Variants in EPHA6 observed in about 807,000 individuals in gnomAD.
EPHA6 encodes ephrin type-A receptor 6.
A neutral mutation model predicts 112.0 loss-of-function variants in EPHA6; 50 were observed. The observed-to-expected ratio is 0.45, with a 90% confidence interval of 0.36 to 0.56. EPHA6 has a LOEUF of 0.56. Among genes scored for constraint, EPHA6 ranks in the 20% least tolerant of loss-of-function variants. The pLI, the probability that EPHA6 is intolerant of heterozygous loss-of-function variation, is 0.00. For synonymous variants in EPHA6, 529 were observed against 490.7 expected (o/e 1.08, Z -1.03); for missense variants, 1,280 against 1,417.4 (o/e 0.90, Z 1.56).
intron 2 of EPHA6, among the ~76,000 whole-genome samples, chr3:96,964,195 T>G (rs940976969): frequency 3.9e-5 from 6 of 152,110 alleles, no homozygotes; most frequent in Non-Finnish European, 7.4e-5. Context: ...TATTTTAAGA[T>G]GTACAATTAT....
At chr3:96,984,653 G>A (rs945953009) in intron 2 of EPHA6, among the ~76,000 whole-genome samples, 39 of 152,182 alleles carry the variant, frequency 2.6e-4, no homozygotes, top group African/African-American at 9.4e-4. Context: ...CCCCAGAGGT[G>A]GCGTCTACAG....
chr3:97,227,412 G>A (rs1040907253), intron 4 of EPHA6, among the ~76,000 whole-genome samples: 5 of 152,110 alleles, frequency 3.3e-5, no homozygotes, highest in African/African-American at 9.6e-5. Context: ...GTAGAGATGG[G>A]GTTTCACCAT....
At chr3:97,481,599 T>C (rs2091551339) in intron 9 of EPHA6, 4 of 523,256 alleles carry the variant, frequency 7.6e-6, no homozygotes, top group Non-Finnish European at 1.4e-5. Context: ...CAGAAAGTCT[T>C]CAGGGAGCAG....
rs147731030 is a variant in EPHA6, at chr3:97,313,526, A to G, written c.1606+69239A>G. Reference sequence around the variant, plus strand: ...CATTGTACAAGGGTTCCTTTTTTCCACATCTTTGCCAACACTTGTTATCTT... The same window carrying G: ...CATTGTACAAGGGTTCCTTTTTTCCGCATCTTTGCCAACACTTGTTATCTT... On this transcript the variant is annotated intron_variant, in intron 5 of 17. Coordinates refer to ENST00000389672, the MANE Select transcript of EPHA6 (RefSeq NM_001080448.3). 7.6e-3 allele frequency among the ~76,000 whole-genome samples: 1,146 copies of G among 151,612 alleles called. 24 individuals carry two copies. Among genetic ancestry groups the G allele is most frequent in the African/African-American group, 0.026 (1,093 of 41,446 alleles).
At chr3:97,556,106 A>C (rs1223942042) in intron 11 of EPHA6, among the ~76,000 whole-genome samples, 1 of 151,932 alleles carries the variant, frequency 6.6e-6, no homozygotes, top group Non-Finnish European at 1.5e-5. Context: ...AAATTATTCA[A>C]ATTATCCAAC....
At chr3:97,086,199 A>G (rs1352036325) in intron 3 of EPHA6, among the ~76,000 whole-genome samples, 1 of 151,870 alleles carries the variant, frequency 6.6e-6, no homozygotes, top group Non-Finnish European at 1.5e-5. Context: ...TATTAGTTTG[A>G]CCTTTTCTGC....
chr3:97,493,028 G>A (rs2091891154), intron 10 of EPHA6, among the ~76,000 whole-genome samples: 2 of 144,306 alleles, frequency 1.4e-5, no homozygotes, highest in South Asian at 2.2e-4. Context: ...TTTTGGCTAT[G>A]AATAATGGCT....
chr3:97,717,328 G>GA (rs913942531), intron 14 of EPHA6, among the ~76,000 whole-genome samples: 8 of 148,268 alleles, frequency 5.4e-5, no homozygotes, highest in South Asian at 2.2e-4. Context: ...AAAGTGTTTT[G>GA]AAAAAAAAAA....
intron 1 of EPHA6, among the ~76,000 whole-genome samples, chr3:96,832,813 A>G (rs1261675637): frequency 2.0e-5 from 3 of 152,042 alleles, no homozygotes; most frequent in Non-Finnish European, 4.4e-5. Context: ...AGAAAAATTT[A>G]AGGAGAAAAT....
At chr3:97,040,595 C>G (rs187024146) in intron 3 of EPHA6, among the ~76,000 whole-genome samples, 1 of 152,000 alleles carries the variant, frequency 6.6e-6, no homozygotes, top group Non-Finnish European at 1.5e-5. Flanking sequence ...ATTATTTCAA[C>G]TCTCTTTCTC....
chr3:96,934,702 T>C (rs2040493575), intron 2 of EPHA6, among the ~76,000 whole-genome samples: 1 of 151,418 alleles, frequency 6.6e-6, no homozygotes, highest in Non-Finnish European at 1.5e-5. Context: ...TAATGGTTTA[T>C]ATAAAATTAT....
At chr3:97,190,092 GAAA>G (rs1304688133) in intron 3 of EPHA6, among the ~76,000 whole-genome samples, 1 of 152,068 alleles carries the variant, frequency 6.6e-6, no homozygotes, top group African/African-American at 2.4e-5. Flanking sequence ...AGGGTCAGTA[GAAA>G]CGTCCATGAG....
chr3:97,344,579 G>A (rs2083450203), intron 5 of EPHA6, among the ~76,000 whole-genome samples: 1 of 152,086 alleles, frequency 6.6e-6, no homozygotes, highest in Admixed American at 6.6e-5. Flanking sequence ...CCAATGCCTT[G>A]ACCTCAGACT....
intron 3 of EPHA6, among the ~76,000 whole-genome samples, chr3:97,086,456 T>TATTAAATATATTTC (rs1329656202): frequency 1.3e-5 from 2 of 152,054 alleles, no homozygotes; most frequent in African/African-American, 2.4e-5. Context: ...ACAACAGAAA[T>TATTAAATATATTTC]ATTAAATATA....
intron 2 of EPHA6, among the ~76,000 whole-genome samples, chr3:96,881,289 GA>G (rs2107509750): frequency 6.6e-6 from 1 of 152,108 alleles, no homozygotes; most frequent in East Asian, 1.9e-4. Context: ...AGACTAGGAA[GA>G]AAAATAGGTT....
At chr3:96,879,676 T>C (rs1198620558) in intron 2 of EPHA6, among the ~76,000 whole-genome samples, 2 of 152,190 alleles carry the variant, frequency 1.3e-5, no homozygotes, top group African/African-American at 4.8e-5. Context: ...ATCTGTGATT[T>C]CTTTCATCAG....
chr3:97,110,850 A>C (rs1035919871), intron 3 of EPHA6, among the ~76,000 whole-genome samples: 1 of 152,054 alleles, frequency 6.6e-6, no homozygotes, highest in Non-Finnish European at 1.5e-5. Context: ...TAAAAAGGAA[A>C]AACTTGGAAT....
At chr3:96,926,182 G>A (rs956710910) in intron 2 of EPHA6, among the ~76,000 whole-genome samples, 3 of 152,146 alleles carry the variant, frequency 2.0e-5, no homozygotes, top group African/African-American at 7.2e-5. Context: ...ATGGCAGCAG[G>A]CGAGAGAGTG....
intron 14 of EPHA6, among the ~76,000 whole-genome samples, chr3:97,707,176 A>T (rs1012079627): frequency 3.9e-5 from 6 of 152,286 alleles, no homozygotes; most frequent in African/African-American, 1.4e-4. Context: ...TAGTTCTGAG[A>T]CTGTGCCTTT....
Sources: allele counts gnomAD v4.1 joint callset (sites outside exome capture counted in the v4.1 genomes callset), GRCh38; gene constraint gnomAD v4.1.1; transcripts MANE v1.5; gene names NCBI Gene and HGNC (gene_info 2026-07-23, HGNC 2026-07-21).